ADAM9: variants seen among roughly 807,000 people sequenced by gnomAD.
ADAM9 encodes the protein ADAM metallopeptidase domain 9.
ADAM9 carries 54 observed loss-of-function variants against 108.1 expected under a neutral mutation model. The ratio of observed to expected loss-of-function variants is 0.50; its 90% confidence interval spans 0.40 to 0.63. The LOEUF is 0.63. ADAM9 is among the 20% of genes least tolerant of loss of function. ADAM9 has a pLI of 0.00. For synonymous variants in ADAM9, 316 were observed against 336.0 expected, an observed-to-expected ratio of 0.94 and a Z score of 0.65; for missense variants, 830 against 997.7, an observed-to-expected ratio of 0.83 and a Z score of 2.26.
rs552684363 is a variant in ADAM9, at chr8:39,022,064, TTGTGTGTGTGTG to T, written c.744+373_744+384del. 7.8e-5 allele frequency among the ~76,000 whole-genome samples: 11 copies of T among 141,572 alleles called. No individual in the cohort carries two copies. In the South Asian group the frequency reaches 9.1e-4, roughly 12 times the overall value. The allele number at this position is 141,572 out of a possible 152,430, so 92.9% of individuals were successfully genotyped here. Reference sequence around the variant, plus strand: ...CCCTGAAAACATGATATGACAATATTTGTGTGTGTGTGTGTGTGTGTGTGTGTGTGTGTGAGA... The same window carrying T: ...CCCTGAAAACATGATATGACAATATTTGTGTGTGTGTGTGTGTGTGTGAGA... On this transcript the variant is annotated intron_variant, in intron 8 of 21. Transcript: ENST00000487273.
chr8:39,033,711 G>A (rs1156707652), intron 11 of ADAM9, among the ~76,000 whole-genome samples: 4 of 151,498 alleles, frequency 2.6e-5, no homozygotes, highest in East Asian at 3.9e-4. Context: ...AAATTAATAC[G>A]TCAATTGTAA....
rs1428344576 is a variant in ADAM9 at position 39,045,046 on chromosome 8, GTGTA to G, written c.1302+2933_1302+2936del. Among the ~76,000 whole-genome samples the G allele has an allele frequency of 1.3e-4, 7 of 55,828 alleles. 2 individuals carry two copies. The highest frequency in any genetic ancestry group is 1.8e-4 in the Non-Finnish European group (5 of 28,468). 36.6% of individuals were successfully genotyped at this position (55,828 alleles called of 152,430 possible). A position where few individuals can be genotyped will look rare whatever the true frequency, so the allele number is the denominator to read the frequency against. ...TGTGTGTGCATACATACATATGTAT[GTGTA>G]TGTGTGTGTGCATACATACATATGT... On this transcript the variant is annotated intron_variant, in intron 12 of 21. Coordinates refer to ENST00000487273, the MANE Select transcript of ADAM9 (RefSeq NM_003816.3).
chr8:39,069,241 A>G (rs867508585), intron 14 of ADAM9, among the ~76,000 whole-genome samples: 1 of 151,638 alleles, frequency 6.6e-6, no homozygotes, highest in African/African-American at 2.4e-5. Flanking sequence ...CTGTGGGTTT[A>G]TGAATTAAAA....
chr8:39,078,379 A>AAAT lies in ADAM9; in HGVS notation c.1881+968_1881+969insAAT, dbSNP rs1554584723. 2.1e-3 allele frequency among the ~76,000 whole-genome samples: 322 copies of AAAT among 151,386 alleles called. 8 individuals carry two copies. In the East Asian group the frequency reaches 0.054, roughly 25 times the overall value. ...CTCTGTCTCAAAAAAAAAAAAAAAA[A>AAAT]TTGTGCTGAAAGGCTCATGACAAAA... On this transcript the variant is annotated intron_variant, in intron 16 of 21. Transcript: ENST00000487273.
intron 1 of ADAM9, among the ~76,000 whole-genome samples, chr8:38,998,989 G>A (rs1405159157): frequency 2.6e-5 from 4 of 151,952 alleles, no homozygotes; most frequent in Admixed American, 2.0e-4. Flanking sequence ...CTCATTTTCT[G>A]TTAAGAAAAC....
intron 11 of ADAM9, among the ~76,000 whole-genome samples, chr8:39,029,131 GTTTT>G (rs35682054): frequency 7.0e-6 from 1 of 142,572 alleles, no homozygotes; most frequent in Non-Finnish European, 1.5e-5. Flanking sequence ...TGTTGTTGTT[GTTTT>G]TTTTTTTTTT....
chr8:39,103,710 C>T lies in ADAM9; in HGVS notation c.*10C>T. On this transcript the variant is annotated 3_prime_UTR_variant, in exon 22 of 22. Coordinates refer to ENST00000487273, the MANE Select transcript of ADAM9 (RefSeq NM_003816.3). ...TAGTTCCCTCACTTGATTTTTTTAA[C>T]CTTCTTTTTGCAAATGTCTTCAGGG... 2 of 1,611,632 alleles carry T rather than the reference C, an allele frequency of 1.2e-6. No homozygotes were observed. The highest frequency in any genetic ancestry group is 8.5e-7 in the Non-Finnish European group (1 of 1,177,846).
At chr8:39,037,259 C>T (rs1450992282) in intron 11 of ADAM9, among the ~76,000 whole-genome samples, 1 of 148,484 alleles carries the variant, frequency 6.7e-6, no homozygotes, top group African/African-American at 2.5e-5. Flanking sequence ...GACGGGGTTT[C>T]ACCGTGGTCT....
At chr8:39,018,294 T>C (rs906808024) in intron 6 of ADAM9, among the ~76,000 whole-genome samples, 2 of 152,354 alleles carry the variant, frequency 1.3e-5, no homozygotes, top group Middle Eastern at 3.4e-3. Context: ...CTTTTTAACT[T>C]TAAACATTGG....
intron 15 of ADAM9, among the ~76,000 whole-genome samples, chr8:39,072,014 A>T (rs1402916038): frequency 6.6e-6 from 1 of 152,208 alleles, no homozygotes; most frequent in Non-Finnish European, 1.5e-5. Context: ...TCCATAAAAG[A>T]TTATGTTACT....
intron 18 of ADAM9, among the ~76,000 whole-genome samples, chr8:39,087,708 G>C (rs530329288): frequency 6.6e-6 from 1 of 152,196 alleles, no homozygotes; most frequent in Non-Finnish European, 1.5e-5. Context: ...AATCTTGCCA[G>C]TGTTGAATGC....
intron 18 of ADAM9, among the ~76,000 whole-genome samples, chr8:39,083,445 G>T (rs1438468325): frequency 6.6e-6 from 1 of 152,142 alleles, no homozygotes; most frequent in African/African-American, 2.4e-5. Flanking sequence ...TCCTTAACAT[G>T]GGTTAAATGC....
intron 5 of ADAM9, 108 bp from the exon 6 acceptor site, chr8:39,017,111 T>C: frequency 8.6e-7 from 1 of 1,157,336 alleles, no homozygotes; most frequent in Non-Finnish European, 1.3e-6. Flanking sequence ...CTCTATGTAA[T>C]GCTATGCCTA....
chr8:39,084,731 A>T (rs191846927), intron 18 of ADAM9, among the ~76,000 whole-genome samples: 109 of 152,146 alleles, frequency 7.2e-4, no homozygotes, highest in African/African-American at 2.3e-3. Context: ...AGGTAGTCGG[A>T]TCTTTCATAT....
intron 14 of ADAM9, among the ~76,000 whole-genome samples, chr8:39,068,940 G>T (rs1331883142): frequency 1.3e-5 from 2 of 152,056 alleles, no homozygotes; most frequent in Non-Finnish European, 2.9e-5. Flanking sequence ...CAGTCACTTG[G>T]CTTCACAAAG....
chr8:39,010,386 A>G (rs768427349), intron 2 of ADAM9, among the ~76,000 whole-genome samples: 29 of 152,282 alleles, frequency 1.9e-4, no homozygotes, highest in Middle Eastern at 3.4e-3. Flanking sequence ...TTGGATTCCC[A>G]TGCAGGATGT....
Position 39,026,712 on chromosome 8 carries a change from T to C in ADAM9, c.1032T>C (p.Ile344=). 6.2e-7 allele frequency: 1 copy of C among 1,614,214 alleles called. No homozygotes were observed. Among genetic ancestry groups the C allele is most frequent in the Non-Finnish European group, 8.5e-7 (1 of 1,180,030 alleles). ...GQITVETFAS[I]VAHELGHNLG... Reference sequence around the variant, plus strand: ...TCACTGTGGAGACATTTGCTTCCATTGTTGCTCATGAATTGGGTCATAATC... The same window carrying C: ...TCACTGTGGAGACATTTGCTTCCATCGTTGCTCATGAATTGGGTCATAATC... The change falls in exon 11 of 22, where the codon ATT becomes ATC. Residue 344 remains isoleucine (I), a synonymous_variant. Coordinates refer to ENST00000487273, the MANE Select transcript of ADAM9 (RefSeq NM_003816.3).
chr8:39,001,828 C>G (rs944890774), intron 1 of ADAM9, among the ~76,000 whole-genome samples: 3 of 151,956 alleles, frequency 2.0e-5, no homozygotes, highest in African/African-American at 7.2e-5. Context: ...CGCCACCACA[C>G]CTGGCTAAAT....
At chr8:39,024,075 T>G (rs1042669149) in intron 9 of ADAM9, among the ~76,000 whole-genome samples, 2 of 152,168 alleles carry the variant, frequency 1.3e-5, no homozygotes, top group Non-Finnish European at 2.9e-5. Flanking sequence ...TCTTCACGAC[T>G]TTGAAGGCGT....
Sources: gnomAD v4.1 joint callset for allele counts (sites outside exome capture counted in the v4.1 genomes callset) on GRCh38, gnomAD v4.1.1 for gene constraint, MANE v1.5 for transcripts, NCBI Gene and HGNC (gene_info 2026-07-23, HGNC 2026-07-21) for gene names.